Variants in RRN3 observed in about 807,000 individuals in gnomAD.
The protein encoded by RRN3 is RNA polymerase I-specific transcription initiation factor RRN3.
RRN3 carries 38 observed loss-of-function variants against 82.3 expected under a neutral mutation model. The ratio of observed to expected loss-of-function variants is 0.46; its 90% CI spans 0.36 to 0.61. RRN3 has a LOEUF of 0.61. Ranked by LOEUF, RRN3 falls within the 20% of genes least tolerant of loss-of-function variation. RRN3 has a pLI of 0.00. For missense variants in RRN3, 726 were observed against 793.1 expected, an observed-to-expected ratio of 0.92 and a Z score of 1.02; for synonymous variants, 284 against 284.3, an observed-to-expected ratio of 1.00 and a Z score of 0.01.
At chr16:15,063,100 G>C (rs1264215122) in intron 17 of RRN3, 96 bp downstream of exon 17, 4 of 918,952 alleles carry the variant, frequency 4.4e-6, no homozygotes, top group Non-Finnish European at 5.5e-6. Context: ...AAAGTGCGGG[G>C]ATTACACGCA....
intron 15 of RRN3, among the ~76,000 whole-genome samples, chr16:15,066,891 C>A (rs1431428849): frequency 1.3e-5 from 2 of 152,056 alleles, no homozygotes; most frequent in African/African-American, 4.8e-5. Flanking sequence ...ACACTCTGTG[C>A]CTCCAATGCG....
chr16:15,086,427 C>T lies in RRN3; in HGVS notation c.280G>A (p.Glu94Lys). Residue 94 changes from glutamate to lysine, a missense_variant, in exon 4 of 18, where the codon GAA becomes AAA. Around this residue, in one of 4 missense-constraint regions of RRN3, gnomAD observed 344 missense variants for 394.5 expected, o/e 0.87. Transcript: ENST00000198767. ...KDDQIINWLLEFRSSIMYLTK... is the reference protein window; with the variant it reads ...KDDQIINWLLKFRSSIMYLTK... ...AAGTACATGATAGAAGAACGGAATT[C>T]TAGCAGCCAGTTGATGATCTGGTCA... 6.2e-7 allele frequency: 1 copy of T among 1,613,498 alleles called. No homozygotes were observed. Among genetic ancestry groups the T allele is most frequent in the Non-Finnish European group, 8.5e-7 (1 of 1,179,726 alleles).
In RRN3 at chr16:15,063,210, T is replaced by C; in HGVS notation, c.1780A>G (p.Lys594Glu). The stretch of plus-strand genomic sequence containing the variant: ...CACAAACTGACCTTTTTCATGGGTT[T>C]CTTGAACTCCTGTAGCTCTTCAGCA... ...MSAEELQEFK[K>E]PMKKDIVEDE... Residue 594 changes from lysine to glutamate, a missense_variant, in exon 17 of 18, where the codon AAA becomes GAA. Transcript: ENST00000198767. 6.2e-7 allele frequency: 1 copy of C among 1,610,754 alleles called. No individual in the cohort carries two copies. Among genetic ancestry groups the C allele is most frequent in the Non-Finnish European group, 8.5e-7 (1 of 1,176,908 alleles).
chr16:15,082,787 A>G (rs2045760855), intron 8 of RRN3, among the ~76,000 whole-genome samples: 1 of 152,158 alleles, frequency 6.6e-6, no homozygotes, highest in South Asian at 2.1e-4. Context: ...GGCAACCACT[A>G]TTAATTATTA....
At chr16:15,079,172 A>C (rs56181684) in intron 9 of RRN3, among the ~76,000 whole-genome samples, 98,296 of 151,484 alleles carry the variant, frequency 0.65, 33,743 homozygotes, top group Non-Finnish European at 0.75. Flanking sequence ...CAGGGAGCAA[A>C]GTTGAAGGAT....
In RRN3 at chr16:15,073,017, A is replaced by G. The variant is rs765339000; in HGVS notation, c.1061T>C (p.Leu354Pro). The G allele has an allele frequency of 6.2e-7, 1 of 1,613,376 alleles. No individual in the cohort carries two copies. Among genetic ancestry groups the G allele is most frequent in the Non-Finnish European group, 8.5e-7 (1 of 1,179,830 alleles). Residue 354 changes from leucine to proline, a missense_variant, in exon 12 of 18, where the codon CTC (leucine) becomes CCC (proline). Coordinates refer to ENST00000198767, the MANE Select transcript of RRN3 (RefSeq NM_018427.5). Reference protein sequence around the residue: ...YRDLINIFDKLLLPTHASCHV... With the variant: ...YRDLINIFDKPLLPTHASCHV... ...GCAGGAGGCATGGGTGGGCAACAGG[A>G]GTTTGTCAAAGATGTTTATCAGGTC...
At chr16:15,087,417 G>A (rs1012775688) in intron 3 of RRN3, among the ~76,000 whole-genome samples, 1 of 152,148 alleles carries the variant, frequency 6.6e-6, no homozygotes, top group African/African-American at 2.4e-5. Flanking sequence ...CAGTAAAGAA[G>A]CAGGTCCAAA....
chr16:15,089,073 C>T (rs1355494338), intron 3 of RRN3, among the ~76,000 whole-genome samples: 2 of 152,126 alleles, frequency 1.3e-5, no homozygotes, highest in South Asian at 2.1e-4. Context: ...GAGGCTGAGG[C>T]GGGTGGATCA....
Position 15,092,538 on chromosome 16 carries a change from C to G in RRN3, c.166G>C (p.Val56Leu). ...PRKTVRFGGT[V>L]TEVLLKYKKG... ...TTGTACTTCAGCAAGACTTCTGTCA[C>G]AGTTCCACCAAACCGAACAGTTTTT... The change falls in exon 2 of 18, where the codon GTG becomes CTG. Residue 56 changes from valine (V) to leucine (L), a missense_variant. By Grantham distance (32) the Val-to-Leu change is conservative (BLOSUM62 1). This residue lies in a region of RRN3 where 135 missense variants were observed against 87.4 expected (regional missense o/e 1.55). Transcript: ENST00000198767. 6.2e-7 allele frequency: 1 copy of G among 1,613,220 alleles called. No homozygotes were observed. The highest frequency in any genetic ancestry group is 8.5e-7 in the Non-Finnish European group (1 of 1,179,206).
At chr16:15,075,445 C>T (rs1334100618) in intron 10 of RRN3, among the ~76,000 whole-genome samples, 2 of 151,716 alleles carry the variant, frequency 1.3e-5, no homozygotes, top group African/African-American at 2.4e-5. Flanking sequence ...CGGTGGTACA[C>T]TGTAGTCCCA....
At chr16:15,063,107 C>A in intron 17 of RRN3, 89 bp downstream of exon 17, 2 of 976,788 alleles carry the variant, frequency 2.0e-6, no homozygotes, top group Non-Finnish European at 3.3e-6. Flanking sequence ...GGGGATTACA[C>A]GCACGAACGA....
rs752987702 is a variant in RRN3 at position 15,071,194 on chromosome 16, G to A, written c.1186C>T (p.Pro396Ser). 1 of 1,611,204 alleles carries A rather than the reference G, an allele frequency of 6.2e-7. No homozygotes were observed. Among genetic ancestry groups the A allele is most frequent in the East Asian group, 2.2e-5 (1 of 44,868 alleles). Residue 396 changes from proline (P) to serine (S), a missense_variant, in exon 13 of 18, where the codon CCT becomes TCT. Transcript: ENST00000198767. ...LWKKLQDPSN[P>S]AIIRQAAGNY... ...CCAGCAGCCTGCCTGATGATGGCAG[G>A]ATTACTTGGGTCCTGCAATTTTTTC...
rs569349850 is a variant in RRN3, at chr16:15,089,783, G to C, written c.252+1532C>G. ...CCACTGCACTCCAGCCTGGGCGACA[G>C]AGCAAAAAAAAAAAAAAAAAAAAAA... On this transcript the variant is annotated intron_variant, in intron 3 of 17. Coordinates refer to ENST00000198767, the MANE Select transcript of RRN3 (RefSeq NM_018427.5). 2.6e-3 allele frequency among the ~76,000 whole-genome samples: 119 copies of C among 46,220 alleles called. 2 individuals carry two copies. The highest frequency in any genetic ancestry group is 8.5e-3 in the South Asian group (8 of 938). 30.3% of individuals were successfully genotyped at this position (46,220 alleles called of 152,430 possible). A position where few individuals can be genotyped will look rare whatever the true frequency, so the allele number is the denominator to read the frequency against.
chr16:15,068,551 A>G (rs1039481659), intron 14 of RRN3, among the ~76,000 whole-genome samples: 2 of 152,174 alleles, frequency 1.3e-5, no homozygotes, highest in Non-Finnish European at 2.9e-5. Flanking sequence ...TGTGAAATTC[A>G]TATGTTTGCA....
intron 9 of RRN3, among the ~76,000 whole-genome samples, chr16:15,079,016 T>G (rs10153173): frequency 1.3e-5 from 2 of 152,100 alleles, no homozygotes; most frequent in African/African-American, 4.8e-5. Flanking sequence ...TTCACCATGT[T>G]AGCCAGGATG....
At chr16:15,072,516 C>G (rs1009673954) in intron 12 of RRN3, among the ~76,000 whole-genome samples, 3 of 152,088 alleles carry the variant, frequency 2.0e-5, no homozygotes, top group Admixed American at 6.6e-5. Flanking sequence ...GAGAAGGGAA[C>G]GTGGGCCAGG....
At chr16:15,090,543 G>A (rs547424624) in intron 3 of RRN3, among the ~76,000 whole-genome samples, 36 of 152,312 alleles carry the variant, frequency 2.4e-4, no homozygotes, top group Non-Finnish European at 4.0e-4. Context: ...AGGCTGTAGT[G>A]CACTATGATC....
At chr16:15,089,722 C>A (rs562238522) in intron 3 of RRN3, among the ~76,000 whole-genome samples, 1 of 141,536 alleles carries the variant, frequency 7.1e-6, no homozygotes, top group African/African-American at 2.6e-5. Context: ...ATCGCTTGAA[C>A]CCGGGAGGCG....
intron 17 of RRN3, among the ~76,000 whole-genome samples, chr16:15,062,857 C>T (rs978228148): frequency 1.3e-5 from 2 of 152,172 alleles, no homozygotes; most frequent in African/African-American, 2.4e-5. Flanking sequence ...GAGTAAGACA[C>T]GGTTTTGGTG....
Sources: gnomAD v4.1 joint callset for allele counts (sites outside exome capture counted in the v4.1 genomes callset) on GRCh38, gnomAD v4.1.1 for gene constraint, gnomAD v4.1.1 regional missense constraint, MANE v1.5 for transcripts, NCBI Gene and HGNC (gene_info 2026-07-23, HGNC 2026-07-21) for gene names.